MGAT1: variants seen among roughly 807,000 people sequenced by gnomAD.
MGAT1 encodes the protein alpha-1,3-mannosyl-glycoprotein 2-beta-N-acetylglucosaminyltransferase, also known as N-glycosyl-oligosaccharide-glycoprotein N-acetylglucosaminyltransferase I.
Under a neutral mutation model 31.7 loss-of-function variants are expected in MGAT1, and 14 were observed. The observed-to-expected ratio is 0.44, with a 90% CI of 0.29 to 0.69. The LOEUF (loss-of-function observed/expected upper bound fraction) is 0.69, where lower values mean the gene tolerates loss of function less well. Ranked by LOEUF, MGAT1 falls within the 30% of genes least tolerant of loss-of-function variation. The probability of loss-of-function intolerance (pLI) is 0.12; values close to 1 mark genes in which losing one functional copy is unlikely to be tolerated. For missense variants in MGAT1, 557 were observed against 626.0 expected (o/e 0.89, Z 1.18); for synonymous variants, 338 against 276.0 (o/e 1.22, Z -2.23).
chr5:180,799,559 C>T (rs1770262301), intron 1 of MGAT1, among the ~76,000 whole-genome samples: 2 of 152,202 alleles, frequency 1.3e-5, no homozygotes, highest in South Asian at 2.1e-4. Context: ...GACTCTATGA[C>T]CTCTGTGCCC....
intron 1 of MGAT1, among the ~76,000 whole-genome samples, chr5:180,813,853 G>A (rs1040294041): frequency 6.6e-6 from 1 of 152,186 alleles, no homozygotes; most frequent in Non-Finnish European, 1.5e-5. Context: ...TAATTGCAAG[G>A]GAGTTAGATA....
At chr5:180,807,551 T>G (rs1167383948), upstream of MGAT1, among the ~76,000 whole-genome samples, 1 of 152,076 alleles carries the variant, frequency 6.6e-6, no homozygotes, top group African/African-American at 2.4e-5. Context: ...CACAGGAAGG[T>G]AAAGACCACC....
rs1768041597 is a variant in MGAT1 at position 180,791,308 on chromosome 5, G to A, written c.*326C>T. Reference sequence around the variant, plus strand: ...AAGGGGTCTGGTCAAGAGAGCGAACGTTGCCAAACTCTCTGCACATGCTCC... The same window carrying A: ...AAGGGGTCTGGTCAAGAGAGCGAACATTGCCAAACTCTCTGCACATGCTCC... On this transcript the variant is annotated 3_prime_UTR_variant, in exon 2 of 2. Coordinates refer to ENST00000307826, the MANE Select transcript of MGAT1 (RefSeq NM_002406.4). 2 of 391,774 alleles carry A rather than the reference G, an allele frequency of 5.1e-6. No homozygotes were observed. Among genetic ancestry groups the A allele is most frequent in the South Asian group, 3.7e-5 (1 of 27,180 alleles). The allele number at this position is 391,774 out of a possible 1,614,324, so 24.3% of individuals were successfully genotyped here.
chr5:180,799,460 A>G (rs1163143081), intron 1 of MGAT1, among the ~76,000 whole-genome samples: 3 of 152,064 alleles, frequency 2.0e-5, no homozygotes, highest in Admixed American at 6.5e-5. Context: ...AGGCCTCCCT[A>G]TGACTACACT....
At chr5:180,797,045 A>G (rs1332718872) in intron 1 of MGAT1, among the ~76,000 whole-genome samples, 2 of 152,170 alleles carry the variant, frequency 1.3e-5, no homozygotes, top group Non-Finnish European at 2.9e-5. Context: ...AAGACTTTAT[A>G]TAACAGGATG....
In MGAT1 at chr5:180,792,859, G is replaced by A; in HGVS notation, c.113C>T (p.Pro38Leu). Residue 38 changes from proline to leucine, a missense_variant, in exon 2 of 2, where the codon CCC becomes CTC. Physicochemically the swap from Pro to Leu is moderately conservative, Grantham distance 98. This residue lies in a region of MGAT1 where 167 missense variants were observed against 149.8 expected (regional missense o/e 1.11). Coordinates refer to ENST00000307826, the MANE Select transcript of MGAT1 (RefSeq NM_002406.4). ...FWTRPAPGRPPSVSALDGDPA... is the reference protein window; with the variant it reads ...FWTRPAPGRPLSVSALDGDPA... ...GTCGCCATCGAGAGCGCTGACTGAG[G>A]GTGGCCTGCCAGGTGCTGGGCGCGT... The A allele has an allele frequency of 6.3e-7, 1 of 1,577,210 alleles. No homozygotes were observed. The highest frequency in any genetic ancestry group is 8.6e-7 in the Non-Finnish European group (1 of 1,162,280).
rs1767816386 is a variant in MGAT1 at position 180,789,584 on chromosome 5, A to C, written c.*2050T>G. The stretch of plus-strand genomic sequence containing the variant: ...TGAGCCACCGCGCCTGGACTAGCCC[A>C]GGGTTTTCAAACCCACTCATGAAAT... On this transcript the variant is annotated 3_prime_UTR_variant, in exon 2 of 2. Transcript: ENST00000307826. 6.6e-6 allele frequency: 1 copy of C among 150,884 alleles called. No homozygotes were observed. Among genetic ancestry groups the C allele is most frequent in the Non-Finnish European group, 1.5e-5 (1 of 67,820 alleles). The allele number at this position is 150,884 out of a possible 1,614,324, so 9.3% of individuals were successfully genotyped here.
At chr5:180,794,601 G>C (rs1319731189) in intron 1 of MGAT1, among the ~76,000 whole-genome samples, 2 of 152,148 alleles carry the variant, frequency 1.3e-5, no homozygotes, top group Non-Finnish European at 2.9e-5. Flanking sequence ...CTTATTAATA[G>C]TGTTATAATA....
chr5:180,801,430 G>A (rs1770741637), intron 1 of MGAT1, among the ~76,000 whole-genome samples: 1 of 152,150 alleles, frequency 6.6e-6, no homozygotes, highest in Admixed American at 6.5e-5. Context: ...CTGCTTTCAT[G>A]TTCGTTCTTA....
chr5:180,791,570 G>A lies in MGAT1; in HGVS notation c.*64C>T, dbSNP rs1392482526. The A allele has an allele frequency of 6.4e-6, 10 of 1,561,422 alleles. No individual in the cohort carries two copies. Among genetic ancestry groups the A allele is most frequent in the Non-Finnish European group, 8.7e-6 (10 of 1,152,002 alleles). ...AACACAGGCAGGCCGATGCAGCCTG[G>A]GGACTGTGGTCCCACCTCAGCTCAT... On this transcript the variant is annotated 3_prime_UTR_variant, in exon 2 of 2. Transcript: ENST00000307826.
At chr5:180,796,822 G>C (rs1052268039) in intron 1 of MGAT1, among the ~76,000 whole-genome samples, 1 of 152,036 alleles carries the variant, frequency 6.6e-6, no homozygotes, top group Non-Finnish European at 1.5e-5. Context: ...ATGTTGGCCA[G>C]GCTGGTGTTG....
intron 1 of MGAT1, among the ~76,000 whole-genome samples, chr5:180,796,765 C>T (rs886269190): frequency 1.3e-5 from 2 of 152,134 alleles, no homozygotes; most frequent in Admixed American, 6.5e-5. Flanking sequence ...GTGCCTGCCA[C>T]CACGCCCAGC....
At chr5:180,800,826 A>AC (rs1313596429) in intron 1 of MGAT1, among the ~76,000 whole-genome samples, 21 of 152,192 alleles carry the variant, frequency 1.4e-4, no homozygotes, top group African/African-American at 4.8e-4. Flanking sequence ...AATCTGCTAC[A>AC]CCTTCCTTTT....
intron 1 of MGAT1, among the ~76,000 whole-genome samples, chr5:180,801,981 C>A (rs1207818655): frequency 6.6e-6 from 1 of 152,166 alleles, no homozygotes; most frequent in Admixed American, 6.5e-5. Context: ...CACGTAAGAG[C>A]AAAGGCTACA....
chr5:180,802,872 G>C (rs1349426224), upstream of MGAT1: 1 of 150,228 alleles, frequency 6.7e-6, no homozygotes, highest in Non-Finnish European at 1.5e-5. Flanking sequence ...GGCGGGGCGG[G>C]GCGGACTGAG....
intron 1 of MGAT1, among the ~76,000 whole-genome samples, chr5:180,812,747 A>G (rs1260916871): frequency 2.6e-5 from 4 of 152,246 alleles, no homozygotes; most frequent in Admixed American, 2.0e-4. Context: ...AATGATGTTT[A>G]TTTATTAATG....
At position 180,802,756 on chromosome 5, in the gene MGAT1, C is replaced by G. The variant is rs549591035; in HGVS notation, c.-203G>C. The stretch of plus-strand genomic sequence containing the variant: ...GAGCGAGCCCGGTGCCCAGGCGCGT[C>G]CCAAGCGCTGCCGCGGCCGCCTCGC... On this transcript the variant is annotated 5_prime_UTR_variant, in exon 1 of 2. Transcript: ENST00000307826. The G allele has an allele frequency of 1.0e-3, 155 of 152,248 alleles. 1 individual carries two copies. The highest frequency in any genetic ancestry group is 3.7e-3 in the African/African-American group (152 of 41,574). 9.4% of individuals were successfully genotyped at this position (152,248 alleles called of 1,614,324 possible). A position where few individuals can be genotyped will look rare whatever the true frequency, so the allele number is the denominator to read the frequency against.
chr5:180,801,821 CAGGCCACT>C (rs981338112), intron 1 of MGAT1, among the ~76,000 whole-genome samples: 4 of 152,212 alleles, frequency 2.6e-5, no homozygotes, highest in Admixed American at 6.5e-5. Context: ...CTTGTTAACA[CAGGCCACT>C]GAGGTCAGGC....
In MGAT1 at chr5:180,788,039, AGCAG is replaced by A. The variant is rs1767695628; in HGVS notation, c.*3591_*3594del. 1 of 153,328 alleles carries A rather than the reference AGCAG, an allele frequency of 6.5e-6. No individual in the cohort carries two copies. The highest frequency in any genetic ancestry group is 1.4e-5 in the Non-Finnish European group (1 of 70,414). 9.5% of individuals were successfully genotyped at this position (153,328 alleles called of 1,614,324 possible). A position where few individuals can be genotyped will look rare whatever the true frequency, so the allele number is the denominator to read the frequency against. On this transcript the variant is annotated 3_prime_UTR_variant, in exon 2 of 2. Transcript: ENST00000307826. ...GCAGAAGCAGGAATGCAGCAGCAGC[AGCAG>A]CCAGGCGCAAGGCAGCTCTGTAAAC...
Sources: gnomAD v4.1 joint callset for allele counts (sites outside exome capture counted in the v4.1 genomes callset) on GRCh38, gnomAD v4.1.1 for gene constraint, gnomAD v4.1.1 regional missense constraint, MANE v1.5 for transcripts, NCBI Gene and HGNC (gene_info 2026-07-23, HGNC 2026-07-21) for gene names.